Variants in PRKCA observed in about 807,000 individuals in gnomAD.
PRKCA encodes protein kinase C alpha, also known as protein kinase C alpha type.
PRKCA carries 27 observed loss-of-function variants against 87.0 expected under a neutral mutation model. The observed-to-expected ratio is 0.31, with a 90% CI of 0.23 to 0.43. The LOEUF (loss-of-function observed/expected upper bound fraction) is 0.43. PRKCA is among the 20% of genes least tolerant of loss of function. The pLI, the probability that PRKCA is intolerant of heterozygous loss-of-function variation, is 1.00. For synonymous variants in PRKCA, 329 were observed against 311.1 expected, an observed-to-expected ratio of 1.06 and a Z score of -0.61; for missense variants, 518 against 852.3, an observed-to-expected ratio of 0.61 and a Z score of 4.88.
chr17:66,755,276 G>C (rs542747971), intron 13 of PRKCA, among the ~76,000 whole-genome samples: 2 of 152,190 alleles, frequency 1.3e-5, no homozygotes, highest in Admixed American at 6.5e-5. Context: ...GGAGAAGCGC[G>C]GCATGGGGTG....
At chr17:66,680,565 A>G (rs183108704) in intron 5 of PRKCA, among the ~76,000 whole-genome samples, 52 of 152,350 alleles carry the variant, frequency 3.4e-4, no homozygotes, top group Admixed American at 7.8e-4. Context: ...ACTTTTATGC[A>G]TTACTAAACA....
chr17:66,572,985 C>T (rs1343402645), intron 3 of PRKCA, among the ~76,000 whole-genome samples: 1 of 152,092 alleles, frequency 6.6e-6, no homozygotes, highest in African/African-American at 2.4e-5. Flanking sequence ...TTCCCAAGAA[C>T]TGCTTTCTTG....
intron 8 of PRKCA, among the ~76,000 whole-genome samples, chr17:66,713,562 G>A (rs1973394193): frequency 1.3e-5 from 2 of 152,150 alleles, no homozygotes; most frequent in African/African-American, 2.4e-5. Context: ...TTGTGTTGGT[G>A]CTTATTATGT....
chr17:66,345,168 A>T (rs1056995543), intron 2 of PRKCA, among the ~76,000 whole-genome samples: 3 of 152,232 alleles, frequency 2.0e-5, no homozygotes, highest in Non-Finnish European at 4.4e-5. Flanking sequence ...TGCTTTGGAA[A>T]TAGCAAAATA....
intron 13 of PRKCA, among the ~76,000 whole-genome samples, chr17:66,766,744 G>T (rs1974820180): frequency 6.6e-6 from 1 of 150,676 alleles, no homozygotes; most frequent in East Asian, 1.9e-4. Flanking sequence ...GGAGGCAGAG[G>T]TTGCAGTGAG....
At chr17:66,416,627 C>A (rs963604491) in intron 2 of PRKCA, 1 of 152,160 alleles carries the variant, frequency 6.6e-6, no homozygotes, top group African/African-American at 2.4e-5. Context: ...TAGTCTCAAG[C>A]GGGTGCTGTT....
chr17:66,557,055 T>A (rs1318336610), intron 3 of PRKCA, among the ~76,000 whole-genome samples: 1 of 152,158 alleles, frequency 6.6e-6, no homozygotes, highest in Non-Finnish European at 1.5e-5. Flanking sequence ...TTTGAGCCTC[T>A]AGATTCAGAG....
intron 5 of PRKCA, among the ~76,000 whole-genome samples, chr17:66,652,619 G>A (rs1429603241): frequency 2.0e-5 from 3 of 152,208 alleles, no homozygotes; most frequent in African/African-American, 7.2e-5. Context: ...AAGAGCACCT[G>A]TGGCGGAATA....
At chr17:66,306,327 GA>G (rs141495406) in intron 2 of PRKCA, 200 bp downstream of exon 2, 81,081 of 295,946 alleles carry the variant, frequency 0.27, 1,035 homozygotes, top group Middle Eastern at 0.32. Flanking sequence ...TTTCTCATTG[GA>G]AAAAAAAAAA....
At position 66,702,319 on chromosome 17, in the gene PRKCA, C is replaced by T. The variant is rs568152447; in HGVS notation, c.918+13272C>T. On this transcript the variant is annotated intron_variant, in intron 8 of 16. Transcript: ENST00000413366. ...CATATTATCATCTAAGTGAAATAAA[C>T]CAGACACAGAAACACAAATAGTGCA... Among the ~76,000 whole-genome samples, 10 of 152,114 alleles carry T rather than the reference C, an allele frequency of 6.6e-5. 1 individual carries two copies. The South Asian group carries it at 2.1e-3, about 32-fold the overall frequency.
At chr17:66,717,153 G>A (rs1555639931) in intron 8 of PRKCA, among the ~76,000 whole-genome samples, 1 of 152,218 alleles carries the variant, frequency 6.6e-6, no homozygotes, top group Non-Finnish European at 1.5e-5. Flanking sequence ...ATGAGGATGA[G>A]TGATTTGAGA....
At chr17:66,777,414 A>G in intron 14 of PRKCA, 1 of 929,590 alleles carries the variant, frequency 1.1e-6, no homozygotes, top group South Asian at 5.1e-5. Flanking sequence ...TTTATTATTT[A>G]TTTAGTTCCC....
intron 5 of PRKCA, among the ~76,000 whole-genome samples, chr17:66,666,866 A>C (rs1972058708): frequency 6.6e-6 from 1 of 152,076 alleles, no homozygotes; most frequent in Non-Finnish European, 1.5e-5. Context: ...TATTTCCAGG[A>C]CAAAGGACTA....
chr17:66,730,760 A>G (rs1288481735), intron 8 of PRKCA, among the ~76,000 whole-genome samples: 1 of 152,226 alleles, frequency 6.6e-6, no homozygotes, highest in African/African-American at 2.4e-5. Context: ...TTGTGAAACC[A>G]GTCCTGCTGA....
chr17:66,456,078 T>C (rs1420731000), intron 2 of PRKCA, among the ~76,000 whole-genome samples: 2 of 150,682 alleles, frequency 1.3e-5, no homozygotes, highest in African/African-American at 4.9e-5. Flanking sequence ...AGGCAGAGAT[T>C]GGAACGATGC....
intron 3 of PRKCA, among the ~76,000 whole-genome samples, chr17:66,579,641 G>A (rs768395414): frequency 3.3e-5 from 5 of 152,118 alleles, no homozygotes; most frequent in African/African-American, 4.8e-5. Flanking sequence ...TCTGGGTCCC[G>A]GGATCAAGCT....
chr17:66,675,030 A>G (rs1420122480), intron 5 of PRKCA, among the ~76,000 whole-genome samples: 6 of 152,222 alleles, frequency 3.9e-5, no homozygotes, highest in Non-Finnish European at 8.8e-5. Context: ...GATCCCAGCA[A>G]GCACTTGCTC....
At chr17:66,549,281 G>A (rs1004605316) in intron 3 of PRKCA, among the ~76,000 whole-genome samples, 6 of 152,032 alleles carry the variant, frequency 3.9e-5, no homozygotes, top group Admixed American at 6.5e-5. Flanking sequence ...GGTGGAGCTC[G>A]GATGCATGCT....
At chr17:66,625,472 A>T (rs778657109) in intron 3 of PRKCA, among the ~76,000 whole-genome samples, 1 of 152,344 alleles carries the variant, frequency 6.6e-6, no homozygotes, top group South Asian at 2.1e-4. Flanking sequence ...ATTAAAAGGT[A>T]TCTGTCTTTC....
Sources: gnomAD v4.1 joint callset for allele counts (sites outside exome capture counted in the v4.1 genomes callset) on GRCh38, gnomAD v4.1.1 for gene constraint, MANE v1.5 for transcripts, NCBI Gene and HGNC (gene_info 2026-07-23, HGNC 2026-07-21) for gene names.